The following RAI1 variants were observed in gnomAD, a reference collection of about 807,000 sequenced individuals.
RAI1 encodes retinoic acid-induced protein 1.
A neutral mutation model predicts 123.8 loss-of-function variants in RAI1; 9 were observed. That is an observed-to-expected ratio of 0.07 (90% CI 0.04 to 0.13). The LOEUF is 0.13. RAI1 is among the 10% of genes least tolerant of loss of function. The pLI, the probability that RAI1 is intolerant of heterozygous loss-of-function variation, is 1.00. For synonymous variants in RAI1, 1,231 were observed against 1,127.3 expected (o/e 1.09, Z -1.84); for missense variants, 2,256 against 2,545.8 (o/e 0.89, Z 2.45).
At chr17:17,782,427 C>T (rs1054322102) in intron 2 of RAI1, among the ~76,000 whole-genome samples, 1 of 151,830 alleles carries the variant, frequency 6.6e-6, no homozygotes, top group East Asian at 2.0e-4. Flanking sequence ...GGCGGGGTGC[C>T]CGCCTGCGCG....
intron 2 of RAI1, among the ~76,000 whole-genome samples, chr17:17,764,342 C>A (rs538784837): frequency 6.6e-6 from 1 of 152,298 alleles, no homozygotes; most frequent in Admixed American, 6.5e-5. Flanking sequence ...AAGTTCAGAT[C>A]AAGAAAAAGA....
chr17:17,811,090 T>C lies in RAI1; in HGVS notation c.*1109T>C. On this transcript the variant is annotated 3_prime_UTR_variant, in exon 6 of 6. Coordinates refer to ENST00000353383, the MANE Select transcript of RAI1 (RefSeq NM_030665.4). ...GCCCGGGCCAGTCCCTGCCAGTCCG[T>C]CCGCCTGTCCGTCCGTGTCCTCAGC... 2 of 287,546 alleles carry C rather than the reference T, an allele frequency of 7.0e-6. No individual in the cohort carries two copies. Among genetic ancestry groups the C allele is most frequent in the South Asian group, 2.7e-5 (1 of 37,560 alleles). The allele number at this position is 287,546 out of a possible 1,614,324, so 17.8% of individuals were successfully genotyped here.
chr17:17,772,921 GTGCATGGA>G (rs1168697906), intron 2 of RAI1, among the ~76,000 whole-genome samples: 1 of 152,162 alleles, frequency 6.6e-6, no homozygotes, highest in African/African-American at 2.4e-5. Flanking sequence ...GTGGGTATGT[GTGCATGGA>G]TGCATGGATA....
intron 2 of RAI1, among the ~76,000 whole-genome samples, chr17:17,763,543 A>T (rs1456373735): frequency 6.6e-6 from 1 of 152,222 alleles, no homozygotes; most frequent in Non-Finnish European, 1.5e-5. Flanking sequence ...ACTCTGCCGG[A>T]GTGGCCAAGG....
intron 2 of RAI1, among the ~76,000 whole-genome samples, chr17:17,763,968 A>C (rs964876275): frequency 6.6e-6 from 1 of 152,254 alleles, no homozygotes. Context: ...GGAGAGAGAC[A>C]GGTGTACAGA....
rs1054337797 is a variant in RAI1 at position 17,794,222 on chromosome 17, A to G, written c.1274A>G (p.Asn425Ser). Residue 425 changes from asparagine to serine, a missense_variant, in exon 3 of 6, where the codon AAC becomes AGC. By Grantham distance (46) the Asn-to-Ser change is conservative. Coordinates refer to ENST00000353383, the MANE Select transcript of RAI1 (RefSeq NM_030665.4). ...KPLQKDKLPE[N>S]LLSDLSLQSL... ...CTTCAGAAGGACAAGCTCCCTGAGA[A>G]CCTGCTGTCGGATCTCAGCCTGCAG... 1.9e-6 allele frequency: 3 copies of G among 1,613,290 alleles called. No homozygotes were observed. In the African/African-American group the frequency reaches 4.0e-5, roughly 22 times the overall value.
intron 2 of RAI1, among the ~76,000 whole-genome samples, chr17:17,744,031 A>G (rs927235947): frequency 6.6e-6 from 1 of 152,208 alleles, no homozygotes; most frequent in Non-Finnish European, 1.5e-5. Flanking sequence ...TTTTTTGCAC[A>G]GTTCTGGCCA....
chr17:17,752,596 G>A (rs2030247787), intron 2 of RAI1, among the ~76,000 whole-genome samples: 1 of 152,168 alleles, frequency 6.6e-6, no homozygotes, highest in African/African-American at 2.4e-5. Context: ...TGGAGTCTGA[G>A]AGTGAGAGGC....
rs757101407 is a variant in RAI1, at chr17:17,793,326, ACCACCC to A, written c.383_388del (p.Pro128_Pro129del). 3.1e-6 allele frequency: 5 copies of A among 1,612,384 alleles called. No homozygotes were observed. The African/African-American group carries it at 4.0e-5, about 13-fold the overall frequency. ...TTCAGGCTTGGGGGGCCCCACAGCC[ACCACCC>A]CCACAGCCGCAGCCACTACCTGCAG... On this transcript the variant is annotated inframe_deletion, in exon 3 of 6. Transcript: ENST00000353383.
rs2032371694 is a variant in RAI1, at chr17:17,799,080, G to T, written c.5565+567G>T. ...CACACAGTCACAACAGGCAGGGCGGGGCAGATCCAGACCCTCTCACCATTG... is the reference window on the plus strand; with the variant it reads ...CACACAGTCACAACAGGCAGGGCGGTGCAGATCCAGACCCTCTCACCATTG... On this transcript the variant is annotated intron_variant, in intron 3 of 5. Coordinates refer to ENST00000353383, the MANE Select transcript of RAI1 (RefSeq NM_030665.4). The surrounding 1 kb of genome is among the most constrained non-coding windows in gnomAD (Gnocchi z 4.5). Among the ~76,000 whole-genome samples, 1 of 152,168 alleles carries T rather than the reference G, an allele frequency of 6.6e-6. No homozygotes were observed. Among genetic ancestry groups the T allele is most frequent in the African/African-American group, 2.4e-5 (1 of 41,436 alleles).
rs1435496950 is a variant in RAI1, at chr17:17,794,048, TGGA to T, written c.1102_1104del (p.Glu368del). On this transcript the variant is annotated inframe_deletion, in exon 3 of 6. Coordinates refer to ENST00000353383, the MANE Select transcript of RAI1 (RefSeq NM_030665.4). ...ACACCGTCGCCGCTGATGCCAAACC[TGGA>T]GAACTTTCCCTACAGCCAGCAGCCG... is the stretch of plus-strand genomic sequence containing the variant. 1 of 1,613,748 alleles carries T rather than the reference TGGA, an allele frequency of 6.2e-7. No homozygotes were observed. Among genetic ancestry groups the T allele is most frequent in the Admixed American group, 1.7e-5 (1 of 59,992 alleles).
intron 2 of RAI1, among the ~76,000 whole-genome samples, chr17:17,761,424 G>C (rs1011340574): frequency 6.6e-6 from 1 of 152,186 alleles, no homozygotes; most frequent in African/African-American, 2.4e-5. Context: ...GCCAGGCACA[G>C]GGGCACCATG....
chr17:17,744,440 G>A (rs961771654), intron 2 of RAI1, among the ~76,000 whole-genome samples: 3 of 152,170 alleles, frequency 2.0e-5, no homozygotes, highest in East Asian at 1.9e-4. Flanking sequence ...CAGCCTTGGC[G>A]TGGTTTTCAT....
At chr17:17,736,742 G>A (rs555241705) in intron 2 of RAI1, among the ~76,000 whole-genome samples, 2 of 152,288 alleles carry the variant, frequency 1.3e-5, no homozygotes, top group East Asian at 3.9e-4. Context: ...ATGGGAGAGG[G>A]CATTTTTGAG....
At chr17:17,786,150 G>A (rs912717970) in intron 2 of RAI1, among the ~76,000 whole-genome samples, 4 of 152,046 alleles carry the variant, frequency 2.6e-5, no homozygotes, top group Non-Finnish European at 2.9e-5. Flanking sequence ...GAGCAGGATC[G>A]CCAGTTTGTC....
chr17:17,704,638 A>G (rs895365043), intron 1 of RAI1, among the ~76,000 whole-genome samples: 2 of 152,190 alleles, frequency 1.3e-5, no homozygotes, highest in East Asian at 3.9e-4. Flanking sequence ...AACGCAGGAT[A>G]TGCATAGTCC....
At chr17:17,777,058 A>G (rs1028090995) in intron 2 of RAI1, 14 of 152,118 alleles carry the variant, frequency 9.2e-5, no homozygotes, top group African/African-American at 3.4e-4. Flanking sequence ...TACTCAGCCA[A>G]TAGAACCTCC....
intron 1 of RAI1, among the ~76,000 whole-genome samples, chr17:17,683,075 C>G (rs1218419077): frequency 6.6e-6 from 1 of 152,218 alleles, no homozygotes; most frequent in African/African-American, 2.4e-5. Flanking sequence ...TGTCCCCCGC[C>G]CCCCTTTTAT....
chr17:17,729,742 G>C (rs1916210124), intron 2 of RAI1, among the ~76,000 whole-genome samples: 1 of 152,220 alleles, frequency 6.6e-6, no homozygotes, highest in South Asian at 2.1e-4. Flanking sequence ...TGTTGCCACA[G>C]GCCTTGGGTT....
Sources: allele counts gnomAD v4.1 joint callset (sites outside exome capture counted in the v4.1 genomes callset), GRCh38; gene constraint gnomAD v4.1.1; non-coding constraint Gnocchi (gnomAD v3.1); transcripts MANE v1.5; gene names NCBI Gene and HGNC (gene_info 2026-07-23, HGNC 2026-07-21).